NUP93: variants seen among roughly 807,000 people sequenced by gnomAD.
NUP93 encodes nucleoporin 93, also known as nuclear pore complex protein Nup93.
In NUP93, 55 loss-of-function variants were observed where a neutral mutation model predicts 107.8. That is an observed-to-expected ratio of 0.51 (90% CI 0.41 to 0.64). The LOEUF (loss-of-function observed/expected upper bound fraction) is 0.64, where lower values mean the gene tolerates loss of function less well. Ranked by LOEUF, NUP93 falls within the 30% of genes least tolerant of loss-of-function variation. The probability of loss-of-function intolerance (pLI) is 0.00; values close to 1 mark genes in which losing one functional copy is unlikely to be tolerated. For missense variants in NUP93, 937 were observed against 1,044.7 expected (o/e 0.90, Z 1.42); for synonymous variants, 390 against 397.5 (o/e 0.98, Z 0.22).
chr16:56,737,574 A>AT (rs760632201), intron 1 of NUP93, among the ~76,000 whole-genome samples: 51 of 151,304 alleles, frequency 3.4e-4, no homozygotes, highest in Middle Eastern at 3.2e-3. Context: ...AGTCCCATAG[A>AT]TTCATTTTTT....
intron 3 of NUP93, among the ~76,000 whole-genome samples, chr16:56,762,438 A>T (rs1962143460): frequency 6.6e-6 from 1 of 152,184 alleles, no homozygotes; most frequent in South Asian, 2.1e-4. Flanking sequence ...CTAAGAGTGG[A>T]ATTGGAATGT....
At chr16:56,804,116 T>C (rs1408353805) in intron 4 of NUP93, among the ~76,000 whole-genome samples, 2 of 152,058 alleles carry the variant, frequency 1.3e-5, no homozygotes, top group Non-Finnish European at 2.9e-5. Flanking sequence ...GCACTGCAGG[T>C]AGAAATGTGA....
intron 7 of NUP93, among the ~76,000 whole-genome samples, chr16:56,823,259 ATTATG>A: frequency 6.6e-6 from 1 of 152,300 alleles, no homozygotes; most frequent in South Asian, 2.1e-4. Flanking sequence ...AACCTGTATT[ATTATG>A]TTAAAGTCTT....
intron 8 of NUP93, among the ~76,000 whole-genome samples, chr16:56,827,044 C>CAAAAAAAA (rs1188027635): frequency 0.029 from 1,564 of 53,446 alleles, 156 homozygotes; most frequent in African/African-American, 0.066. Flanking sequence ...GACTCCGTCT[C>CAAAAAAAA]AAAAAAAAAA....
intron 8 of NUP93, among the ~76,000 whole-genome samples, chr16:56,827,975 C>G (rs1293877461): frequency 6.6e-6 from 1 of 152,092 alleles, no homozygotes; most frequent in Non-Finnish European, 1.5e-5. Context: ...CGAAAATTAG[C>G]TGGGCGTGGT....
At chr16:56,833,797 G>A (rs1329648195) in intron 13 of NUP93, among the ~76,000 whole-genome samples, 1 of 152,106 alleles carries the variant, frequency 6.6e-6, no homozygotes, top group Non-Finnish European at 1.5e-5. Flanking sequence ...GGAGAGAGAG[G>A]AAGTAAATGT....
chr16:56,804,950 A>G (rs1437019205), intron 4 of NUP93, among the ~76,000 whole-genome samples: 1 of 152,148 alleles, frequency 6.6e-6, no homozygotes, highest in Non-Finnish European at 1.5e-5. Flanking sequence ...TTTTATTAAA[A>G]TGTCTTAAAA....
chr16:56,815,924 T>C (rs1164000398), intron 5 of NUP93, among the ~76,000 whole-genome samples: 1 of 152,192 alleles, frequency 6.6e-6, no homozygotes, highest in Non-Finnish European at 1.5e-5. Flanking sequence ...CTGGTGCTGC[T>C]GCTGCTACCA....
rs762637399 is a variant in NUP93, at chr16:56,838,936, C to A, written c.2019-16C>A. ...TGATACACTCTTACTACCCCCACCC[C>A]GTTTTTGTCTTTCAGGTATAGGGCT... On this transcript the variant is annotated splice_polypyrimidine_tract_variant and intron_variant, in intron 18 of 21. Coordinates refer to ENST00000308159, the MANE Select transcript of NUP93 (RefSeq NM_014669.5). 1.3e-6 allele frequency: 2 copies of A among 1,571,152 alleles called. No individual in the cohort carries two copies. Among genetic ancestry groups the A allele is most frequent in the South Asian group, 1.1e-5 (1 of 89,474 alleles).
chr16:56,778,255 G>A (rs1470465059), intron 3 of NUP93, among the ~76,000 whole-genome samples: 1 of 152,208 alleles, frequency 6.6e-6, no homozygotes, highest in Non-Finnish European at 1.5e-5. Context: ...CTTGCCGGAA[G>A]TGAAAGAAGA....
Position 56,773,984 on chromosome 16 carries a change from C to A in NUP93, c.297+15329C>A, listed in dbSNP as rs146912261. ...TGTTTAAAACATATATATTTAAAAACTTATGACTTAATAATTTGTCAGTTA... is the reference window on the plus strand; with the variant it reads ...TGTTTAAAACATATATATTTAAAAAATTATGACTTAATAATTTGTCAGTTA... On this transcript the variant is annotated intron_variant, in intron 3 of 21. Coordinates refer to ENST00000308159, the MANE Select transcript of NUP93 (RefSeq NM_014669.5). 4.1e-3 allele frequency among the ~76,000 whole-genome samples: 628 copies of A among 152,220 alleles called. 5 individuals are homozygous for A. Among genetic ancestry groups the A allele is most frequent in the African/African-American group, 0.015 (605 of 41,534 alleles).
At chr16:56,757,847 C>T (rs1962053705) in intron 2 of NUP93, among the ~76,000 whole-genome samples, 1 of 152,158 alleles carries the variant, frequency 6.6e-6, no homozygotes, top group Admixed American at 6.5e-5. Context: ...TTCCTTAGCT[C>T]ATGAATGACG....
chr16:56,777,749 C>G (rs2144513614), intron 3 of NUP93, among the ~76,000 whole-genome samples: 1 of 152,292 alleles, frequency 6.6e-6, no homozygotes, highest in South Asian at 2.1e-4. Context: ...GGTAATGATG[C>G]TTAGTCACAA....
In NUP93 at chr16:56,828,993, C is replaced by T. The variant is rs539652333; in HGVS notation, c.811C>T (p.Leu271Phe). Reference protein sequence around the residue: ...YLEQSYKNYTLVTVFGNLHQA... With the variant: ...YLEQSYKNYTFVTVFGNLHQA... The stretch of plus-strand genomic sequence containing the variant: ...TTTTTCCAGTTATAAGAATTACACC[C>T]TTGTGACTGTCTTTGGAAATTTGCA... Residue 271 changes from leucine (L) to phenylalanine (F), a missense_variant, in exon 9 of 22, where the codon CTT (leucine) becomes TTT (phenylalanine). Leu to Phe is a conservative substitution (Grantham distance 22). Transcript: ENST00000308159. 1.2e-6 allele frequency: 2 copies of T among 1,613,388 alleles called. No individual in the cohort carries two copies. Among genetic ancestry groups the T allele is most frequent in the African/African-American group, 1.3e-5 (1 of 75,002 alleles).
chr16:56,808,649 TA>T (rs1172416018), intron 5 of NUP93, among the ~76,000 whole-genome samples: 15 of 134,822 alleles, frequency 1.1e-4, no homozygotes, highest in African/African-American at 3.3e-4. Context: ...TATAAATATA[TA>T]AAAATACATA....
intron 1 of NUP93, among the ~76,000 whole-genome samples, chr16:56,732,480 C>G (rs1359049470): frequency 1.3e-5 from 2 of 152,116 alleles, no homozygotes; most frequent in Non-Finnish European, 2.9e-5. Flanking sequence ...TAAAGGAGGA[C>G]AGGGATATTT....
chr16:56,754,692 C>T (rs1961985645), intron 2 of NUP93, among the ~76,000 whole-genome samples: 1 of 152,190 alleles, frequency 6.6e-6, no homozygotes, highest in Non-Finnish European at 1.5e-5. Flanking sequence ...ATCAGTGGGT[C>T]TACCATTCTG....
intron 18 of NUP93, 73 bp downstream of exon 18, chr16:56,837,799 A>C: frequency 2.8e-6 from 3 of 1,071,076 alleles, no homozygotes; most frequent in Non-Finnish European, 4.2e-6. Context: ...GCCCACCCAA[A>C]TGCATGTTCA....
At chr16:56,742,489 A>C (rs1345667335) in intron 1 of NUP93, among the ~76,000 whole-genome samples, 1 of 152,274 alleles carries the variant, frequency 6.6e-6, no homozygotes, top group African/African-American at 2.4e-5. Flanking sequence ...GTTTTATTAA[A>C]GTACAGCCAC....
Sources: gnomAD v4.1 joint callset for allele counts (sites outside exome capture counted in the v4.1 genomes callset) on GRCh38, gnomAD v4.1.1 for gene constraint, MANE v1.5 for transcripts, NCBI Gene and HGNC (gene_info 2026-07-23, HGNC 2026-07-21) for gene names.